Variants in RAD51B observed in about 807,000 individuals in gnomAD.
RAD51B encodes RAD51 paralog B, also known as DNA repair protein RAD51 homolog 2.
Under a neutral mutation model 42.2 loss-of-function variants are expected in RAD51B, and 38 were observed. The observed-to-expected ratio is 0.90, with a 90% CI of 0.70 to 1.18. RAD51B has a LOEUF of 1.18. Ranked by LOEUF, RAD51B falls within the 50% of genes most tolerant of loss-of-function variation. RAD51B has a pLI of 0.00. For synonymous variants in RAD51B, 154 were observed against 145.2 expected (o/e 1.06, Z -0.43); for missense variants, 373 against 400.7 (o/e 0.93, Z 0.59).
At chr14:68,126,614 T>TTACTTCCTTAG (rs1317628493) in intron 7 of RAD51B, among the ~76,000 whole-genome samples, 4 of 152,198 alleles carry the variant, frequency 2.6e-5, no homozygotes, top group African/African-American at 9.7e-5. Flanking sequence ...GAGGTGCTTT[T>TTACTTCCTTAG]TACTTCCTTA....
chr14:68,239,088 T>C (rs1168934217), intron 7 of RAD51B, among the ~76,000 whole-genome samples: 2 of 152,206 alleles, frequency 1.3e-5, no homozygotes, highest in African/African-American at 4.8e-5. Context: ...TTCACATAGA[T>C]AACTAAGCTG....
intron 10 of RAD51B, among the ~76,000 whole-genome samples, chr14:68,583,752 A>G (rs921437861): frequency 6.6e-6 from 1 of 152,222 alleles, no homozygotes; most frequent in East Asian, 1.9e-4. Context: ...CACACCAGTA[A>G]TGTGATCCAC....
intron 7 of RAD51B, among the ~76,000 whole-genome samples, chr14:67,968,088 G>T (rs2140244550): frequency 6.6e-6 from 1 of 152,368 alleles, no homozygotes; most frequent in East Asian, 1.9e-4. Flanking sequence ...TTTGGAGCTT[G>T]TACTCTCTGA....
chr14:68,540,103 A>C, intron 10 of RAD51B: 2 of 802,066 alleles, frequency 2.5e-6, no homozygotes, highest in Non-Finnish European at 3.1e-6. Context: ...GCCACTGGAC[A>C]GAGCTGCCCA....
chr14:67,952,493 T>C (rs2074472351), intron 7 of RAD51B, among the ~76,000 whole-genome samples: 1 of 152,136 alleles, frequency 6.6e-6, no homozygotes, highest in Non-Finnish European at 1.5e-5. Context: ...ATCATTGCAA[T>C]AGATGTGCAT....
chr14:67,869,876 A>G (rs2042462813), intron 5 of RAD51B, among the ~76,000 whole-genome samples: 2 of 152,146 alleles, frequency 1.3e-5, no homozygotes, highest in Non-Finnish European at 2.9e-5. Flanking sequence ...TTTACAGACA[A>G]GCAAATGCTG....
intron 7 of RAD51B, among the ~76,000 whole-genome samples, chr14:67,897,561 C>T (rs568136001): frequency 1.3e-5 from 2 of 151,924 alleles, no homozygotes; most frequent in South Asian, 2.1e-4. Flanking sequence ...AATAAGATAA[C>T]ACTCACATCG....
chr14:68,334,545 T>G lies in RAD51B; in HGVS notation c.853+42565T>G, dbSNP rs143642175. 5.6e-3 allele frequency among the ~76,000 whole-genome samples: 856 copies of G among 152,260 alleles called. 9 individuals carry two copies. Among genetic ancestry groups the G allele is most frequent in the Middle Eastern group, 0.01 (3 of 294 alleles). On this transcript the variant is annotated intron_variant, in intron 8 of 10. Transcript: ENST00000471583. ...GATAGGAGAGACAGGTTGGAGTAGC[T>G]TTATTGAAAAAATCCATATGTAAGT... is the stretch of plus-strand genomic sequence containing the variant.
At chr14:68,280,003 T>A (rs1046444497) in intron 7 of RAD51B, among the ~76,000 whole-genome samples, 4 of 152,238 alleles carry the variant, frequency 2.6e-5, no homozygotes, top group Non-Finnish European at 5.9e-5. Context: ...TATTCTGTTC[T>A]TATGTGACAA....
chr14:67,872,461 A>T (rs1420351568), intron 5 of RAD51B, among the ~76,000 whole-genome samples: 5 of 148,030 alleles, frequency 3.4e-5, no homozygotes, highest in African/African-American at 1.3e-4. Context: ...ATGGAAGAAC[A>T]TTCCATGCTC....
At chr14:68,169,169 G>A (rs2078815406) in intron 7 of RAD51B, among the ~76,000 whole-genome samples, 2 of 152,108 alleles carry the variant, frequency 1.3e-5, no homozygotes, top group South Asian at 4.1e-4. Context: ...CTTTTAATCT[G>A]AGGCTTTCTT....
At chr14:67,939,882 A>G (rs1245372193) in intron 7 of RAD51B, among the ~76,000 whole-genome samples, 1 of 150,902 alleles carries the variant, frequency 6.6e-6, no homozygotes, top group Non-Finnish European at 1.5e-5. Context: ...TTTAGTCCAT[A>G]GCAGATTGGA....
chr14:68,673,589 A>G (rs959355018), intron 11 of RAD51B, among the ~76,000 whole-genome samples: 8 of 138,502 alleles, frequency 5.8e-5, no homozygotes, highest in African/African-American at 2.3e-4. Context: ...TACTGTACAT[A>G]CACATATGTA....
chr14:68,438,961 G>C (rs2085213273), intron 9 of RAD51B, among the ~76,000 whole-genome samples: 1 of 152,096 alleles, frequency 6.6e-6, no homozygotes, highest in African/African-American at 2.4e-5. Flanking sequence ...AGGAATCCTT[G>C]CTTTCGTGGA....
chr14:68,551,180 G>C (rs1264234668), intron 10 of RAD51B, among the ~76,000 whole-genome samples: 1 of 152,074 alleles, frequency 6.6e-6, no homozygotes, highest in African/African-American at 2.4e-5. Context: ...CACGGCTGCT[G>C]TCCCCATCTT....
chr14:68,083,427 A>G (rs1020350256), intron 7 of RAD51B, among the ~76,000 whole-genome samples: 4 of 152,190 alleles, frequency 2.6e-5, no homozygotes, highest in African/African-American at 7.2e-5. Flanking sequence ...CTGGAGCACA[A>G]AAAAGGAATA....
chr14:67,933,533 G>A (rs1024286400), intron 7 of RAD51B, among the ~76,000 whole-genome samples: 2 of 152,160 alleles, frequency 1.3e-5, no homozygotes, highest in Non-Finnish European at 2.9e-5. Flanking sequence ...TGTGGGTAGA[G>A]GAGCTCTCCC....
At chr14:68,119,010 G>A (rs2077597233) in intron 7 of RAD51B, among the ~76,000 whole-genome samples, 1 of 151,904 alleles carries the variant, frequency 6.6e-6, no homozygotes, top group Non-Finnish European at 1.5e-5. Context: ...AGGCTGGAGT[G>A]CAGTTGTGCG....
downstream of RAD51B, among the ~76,000 whole-genome samples, chr14:68,599,934 C>A (rs1025360973): frequency 1.3e-5 from 2 of 152,162 alleles, no homozygotes; most frequent in Admixed American, 6.5e-5. Context: ...GTGGTTGGGC[C>A]TTTGGGGTCT....
Sources: allele counts gnomAD v4.1 joint callset (sites outside exome capture counted in the v4.1 genomes callset), GRCh38; gene constraint gnomAD v4.1.1; transcripts MANE v1.5; gene names NCBI Gene and HGNC (gene_info 2026-07-23, HGNC 2026-07-21).